Variants in TBC1D32 observed in about 807,000 individuals in gnomAD.
TBC1D32 encodes the protein protein broad-minded.
Under a neutral mutation model 170.3 loss-of-function variants are expected in TBC1D32, and 151 were observed. The ratio of observed to expected loss-of-function variants is 0.89; its 90% CI spans 0.78 to 1.01. The LOEUF (loss-of-function observed/expected upper bound fraction) is 1.01. Among genes scored for constraint, TBC1D32 ranks in the 50% least tolerant of loss-of-function variants. TBC1D32 has a pLI of 0.00. For synonymous variants in TBC1D32, 498 were observed against 488.0 expected (o/e 1.02, Z -0.27); for missense variants, 1,464 against 1,457.1 (o/e 1.00, Z -0.08).
intron 9 of TBC1D32, among the ~76,000 whole-genome samples, chr6:121,302,538 T>C (rs1230636829): frequency 1.3e-5 from 2 of 152,126 alleles, no homozygotes; most frequent in Non-Finnish European, 2.9e-5. Flanking sequence ...TGACTGATTT[T>C]GTTAAAAAAA....
At chr6:121,212,028 C>CACACACACACACAT (rs1179203925) in intron 21 of TBC1D32, among the ~76,000 whole-genome samples, 12 of 143,240 alleles carry the variant, frequency 8.4e-5, no homozygotes, top group African/African-American at 3.1e-4. Flanking sequence ...CACACACACA[C>CACACACACACACAT]GACAAAAGGG....
chr6:121,180,105 C>T (rs1583098989), intron 22 of TBC1D32, among the ~76,000 whole-genome samples: 1 of 152,190 alleles, frequency 6.6e-6, no homozygotes, highest in East Asian at 1.9e-4. Context: ...CCTAATTAAA[C>T]AGAGATATAT....
intron 12 of TBC1D32, among the ~76,000 whole-genome samples, chr6:121,288,848 C>T (rs189136048): frequency 2.0e-4 from 30 of 152,222 alleles, no homozygotes; most frequent in African/African-American, 6.0e-4. Flanking sequence ...GCTGGTTCAA[C>T]ATACACAAAT....
intron 30 of TBC1D32, among the ~76,000 whole-genome samples, chr6:121,100,880 C>T (rs1433736654): frequency 5.9e-5 from 9 of 151,446 alleles, no homozygotes; most frequent in South Asian, 2.1e-4. Flanking sequence ...ATCAAATAGA[C>T]GCAATAAAAA....
intron 24 of TBC1D32, among the ~76,000 whole-genome samples, chr6:121,143,506 G>A (rs977219606): frequency 2.0e-5 from 3 of 152,136 alleles, no homozygotes; most frequent in Non-Finnish European, 4.4e-5. Flanking sequence ...TAGAAGCTGG[G>A]AGACAAATGA....
chr6:121,156,517 T>A (rs772303038), intron 24 of TBC1D32, among the ~76,000 whole-genome samples: 3 of 152,018 alleles, frequency 2.0e-5, no homozygotes, highest in Non-Finnish European at 4.4e-5. Context: ...ACAATTTCAT[T>A]CAGTTTTCTT....
At chr6:121,226,305 A>G (rs1384497878) in intron 20 of TBC1D32, among the ~76,000 whole-genome samples, 3 of 152,114 alleles carry the variant, frequency 2.0e-5, no homozygotes, top group Admixed American at 2.0e-4. Flanking sequence ...TGCAATATGG[A>G]GAGCAATGGG....
At chr6:121,258,270 AT>A (rs1055026278) in intron 15 of TBC1D32, among the ~76,000 whole-genome samples, 1 of 151,974 alleles carries the variant, frequency 6.6e-6, no homozygotes, top group African/African-American at 2.4e-5. Context: ...ACTTTGAGGA[AT>A]TTTTTTTAAC....
intron 9 of TBC1D32, among the ~76,000 whole-genome samples, chr6:121,299,873 C>T (rs1454140147): frequency 6.6e-6 from 1 of 152,148 alleles, no homozygotes; most frequent in East Asian, 1.9e-4. Context: ...AACTCTTATA[C>T]TGAAGAGGAT....
At chr6:121,267,315 G>A (rs900426906) in intron 15 of TBC1D32, among the ~76,000 whole-genome samples, 44 of 152,258 alleles carry the variant, frequency 2.9e-4, no homozygotes, top group Admixed American at 1.1e-3. Context: ...GAAGCAGGGC[G>A]GGGCATCGCC....
intron 24 of TBC1D32, among the ~76,000 whole-genome samples, chr6:121,134,884 G>T (rs1395123509): frequency 6.6e-6 from 1 of 152,072 alleles, no homozygotes; most frequent in African/African-American, 2.4e-5. Context: ...TGCATCTACT[G>T]CCACATGGCC....
intron 15 of TBC1D32, among the ~76,000 whole-genome samples, chr6:121,269,354 T>C (rs1482367065): frequency 6.6e-6 from 1 of 152,062 alleles, no homozygotes; most frequent in Non-Finnish European, 1.5e-5. Flanking sequence ...CAGTGTGCTA[T>C]ATTCAGGAGA....
At chr6:121,324,868 G>T (rs1347774745) in intron 1 of TBC1D32, among the ~76,000 whole-genome samples, 2 of 152,170 alleles carry the variant, frequency 1.3e-5, no homozygotes, top group African/African-American at 4.8e-5. Flanking sequence ...TCTACACACA[G>T]TTGGCTCTGA....
intron 24 of TBC1D32, among the ~76,000 whole-genome samples, chr6:121,150,299 G>T (rs1488869658): frequency 6.6e-6 from 1 of 152,116 alleles, no homozygotes; most frequent in South Asian, 2.1e-4. Flanking sequence ...TTATGTGATG[G>T]ATTATATTTA....
At chr6:121,217,378 C>T (rs532300064) in intron 21 of TBC1D32, among the ~76,000 whole-genome samples, 1 of 152,288 alleles carries the variant, frequency 6.6e-6, no homozygotes, top group Admixed American at 6.5e-5. Context: ...CCAGAGAGAA[C>T]ATGGATAAGG....
At chr6:121,126,056 GAGAT>G (rs1357163506) in intron 26 of TBC1D32, among the ~76,000 whole-genome samples, 1 of 152,188 alleles carries the variant, frequency 6.6e-6, no homozygotes, top group Non-Finnish European at 1.5e-5. Context: ...CAATATATGA[GAGAT>G]AGGTAAAACA....
chr6:121,314,096 G>A (rs1477344031), intron 3 of TBC1D32, among the ~76,000 whole-genome samples: 1 of 152,194 alleles, frequency 6.6e-6, no homozygotes, highest in African/African-American at 2.4e-5. Context: ...TAGAGCTCAG[G>A]TTGTTCCCAG....
At chr6:121,156,528 T>C (rs1784906383) in intron 24 of TBC1D32, among the ~76,000 whole-genome samples, 1 of 152,038 alleles carries the variant, frequency 6.6e-6, no homozygotes, top group South Asian at 2.1e-4. Flanking sequence ...CAGTTTTCTT[T>C]GATTTTAATT....
intron 25 of TBC1D32, among the ~76,000 whole-genome samples, chr6:121,128,620 G>C (rs539839776): frequency 6.6e-6 from 1 of 152,164 alleles, no homozygotes; most frequent in Non-Finnish European, 1.5e-5. Context: ...TAAATTATGG[G>C]CCTTCTCCCT....
Sources: gnomAD v4.1 joint callset for allele counts (sites outside exome capture counted in the v4.1 genomes callset) on GRCh38, gnomAD v4.1.1 for gene constraint, MANE v1.5 for transcripts, NCBI Gene and HGNC (gene_info 2026-07-23, HGNC 2026-07-21) for gene names.